The following NOSTRIN variants were observed in gnomAD, a reference collection of about 807,000 sequenced individuals.
NOSTRIN encodes BM247 homolog.
NOSTRIN carries 63 observed loss-of-function variants against 59.0 expected under a neutral mutation model. The ratio of observed to expected loss-of-function variants is 1.07; its 90% CI spans 0.87 to 1.32. NOSTRIN has a LOEUF of 1.32. Ranked by LOEUF, NOSTRIN falls within the 40% of genes most tolerant of loss-of-function variation. NOSTRIN has a pLI of 0.00. For missense variants in NOSTRIN, 512 were observed against 473.1 expected, an observed-to-expected ratio of 1.08 and a Z score of -0.76; for synonymous variants, 200 against 165.4, an observed-to-expected ratio of 1.21 and a Z score of -1.61.
At chr2:168,836,948 G>T (rs1029973501) in intron 7 of NOSTRIN, among the ~76,000 whole-genome samples, 1 of 152,200 alleles carries the variant, frequency 6.6e-6, no homozygotes, top group African/African-American at 2.4e-5. Context: ...GATGGAGGTG[G>T]CTTCAACAGC....
exon 2 of NOSTRIN, chr2:168,787,939 A>G (rs1685247544): frequency 6.6e-6 from 1 of 152,192 alleles, no homozygotes; most frequent in Non-Finnish European, 1.5e-5. Context: ...AACTTAGTCC[A>G]AGCTTTGATC....
chr2:168,847,034 G>A (rs1031670591), intron 8 of NOSTRIN, among the ~76,000 whole-genome samples: 1 of 152,156 alleles, frequency 6.6e-6, no homozygotes, highest in Non-Finnish European at 1.5e-5. Context: ...GTTAAAGGCA[G>A]CAAACATCCC....
chr2:168,844,070 A>C (rs1688255984), intron 8 of NOSTRIN, among the ~76,000 whole-genome samples: 2 of 152,240 alleles, frequency 1.3e-5, no homozygotes, highest in South Asian at 4.1e-4. Context: ...GAAAAACATG[A>C]TGTTGAGGAA....
At chr2:168,814,843 A>G (rs1439095411) in intron 2 of NOSTRIN, among the ~76,000 whole-genome samples, 1 of 152,218 alleles carries the variant, frequency 6.6e-6, no homozygotes, top group Non-Finnish European at 1.5e-5. Flanking sequence ...AGATGGGAGG[A>G]TTGCTTGAGG....
intron 2 of NOSTRIN, among the ~76,000 whole-genome samples, chr2:168,792,063 C>G (rs1410522442): frequency 6.6e-6 from 1 of 152,094 alleles, no homozygotes; most frequent in African/African-American, 2.4e-5. Flanking sequence ...TTGCCCATGC[C>G]TATGTCCTGA....
chr2:168,837,502 G>A (rs1462871596), intron 7 of NOSTRIN, among the ~76,000 whole-genome samples: 1 of 151,712 alleles, frequency 6.6e-6, no homozygotes, highest in Non-Finnish European at 1.5e-5. Flanking sequence ...GTAGAGATGG[G>A]ATTTCACCGA....
chr2:168,865,017 C>A lies in NOSTRIN; in HGVS notation c.*47C>A. 1 of 1,589,152 alleles carries A rather than the reference C, an allele frequency of 6.3e-7. No individual in the cohort carries two copies. The highest frequency in any genetic ancestry group is 8.6e-7 in the Non-Finnish European group (1 of 1,165,858). ...CCTTCACACTCGGTAATCAACAATA[C>A]AGTGTGGTTCAAATAAGAATAAAGT... On this transcript the variant is annotated 3_prime_UTR_variant, in exon 16 of 16. Coordinates refer to ENST00000317647, the MANE Select transcript of NOSTRIN (RefSeq NM_001039724.4).
chr2:168,821,147 A>G (rs1165094011), intron 2 of NOSTRIN, among the ~76,000 whole-genome samples: 4 of 152,204 alleles, frequency 2.6e-5, no homozygotes, highest in African/African-American at 9.7e-5. Context: ...GCATTATCCT[A>G]TTTAATGCTC....
chr2:168,859,814 C>G (rs535717724), intron 13 of NOSTRIN, among the ~76,000 whole-genome samples, 177 bp downstream of exon 13: 1 of 152,152 alleles, frequency 6.6e-6, no homozygotes, highest in Non-Finnish European at 1.5e-5. Flanking sequence ...AAGAGCTAGA[C>G]AAAACCGAAT....
At chr2:168,863,632 T>C in intron 15 of NOSTRIN, 1 of 982,776 alleles carries the variant, frequency 1.0e-6, no homozygotes, top group Non-Finnish European at 1.2e-6. Context: ...AATGGGGAGT[T>C]ACATTTTGAA....
intron 1 of NOSTRIN, among the ~76,000 whole-genome samples, chr2:168,807,281 C>T (rs534738987): frequency 6.6e-6 from 1 of 151,780 alleles, no homozygotes; most frequent in Non-Finnish European, 1.5e-5. Context: ...CACACACACA[C>T]AGAGAGAGAG....
intron 11 of NOSTRIN, 116 bp from the exon 12 acceptor site, chr2:168,856,574 T>TA (rs11385898): frequency 0.44 from 315,554 of 716,322 alleles, 37,182 homozygotes; most frequent in South Asian, 0.5. Flanking sequence ...GACTCCGTCT[T>TA]AAAAAAAAAA....
At chr2:168,855,498 C>A (rs1296917914) in intron 11 of NOSTRIN, 38 bp downstream of exon 11, 5 of 1,131,890 alleles carry the variant, frequency 4.4e-6, no homozygotes, top group East Asian at 2.4e-5. Flanking sequence ...GAAAAGGGAC[C>A]ATATGATGCT....
At chr2:168,834,690 T>C (rs72883256) in intron 7 of NOSTRIN, among the ~76,000 whole-genome samples, 7 of 152,052 alleles carry the variant, frequency 4.6e-5, no homozygotes, top group Non-Finnish European at 1.0e-4. Flanking sequence ...CTACTTTGCC[T>C]GGACCACATG....
At position 168,824,484 on chromosome 2, in the gene NOSTRIN, A is replaced by G. The variant is rs953633035; in HGVS notation, c.114-150A>G. 1.9e-5 allele frequency: 10 copies of G among 525,686 alleles called. No homozygotes were observed. In the Admixed American group the frequency reaches 1.9e-4, roughly 10 times the overall value. 32.6% of individuals were successfully genotyped at this position (525,686 alleles called of 1,614,324 possible). On this transcript the variant is annotated intron_variant, in intron 2 of 15. Transcript: ENST00000317647. ...TGGCTAATTTTTGTATTTTTAGTAG[A>G]GACTGGGTTTCACCATGTTGGCCAG...
intron 3 of NOSTRIN, among the ~76,000 whole-genome samples, chr2:168,826,420 C>G (rs946856017): frequency 6.6e-6 from 1 of 152,078 alleles, no homozygotes; most frequent in Non-Finnish European, 1.5e-5. Context: ...AATTCTTTCT[C>G]TCTTTCTTTC....
intron 7 of NOSTRIN, among the ~76,000 whole-genome samples, chr2:168,838,483 G>A (rs1687867915): frequency 6.6e-6 from 1 of 152,096 alleles, no homozygotes; most frequent in Non-Finnish European, 1.5e-5. Context: ...CAAGTGATCC[G>A]CCCGCCTTGG....
chr2:168,823,044 T>A (rs1480987974), intron 2 of NOSTRIN, among the ~76,000 whole-genome samples: 1 of 152,120 alleles, frequency 6.6e-6, no homozygotes, highest in Non-Finnish European at 1.5e-5. Context: ...TGAGATGGAG[T>A]TTTGCTCTGT....
At position 168,812,010 on chromosome 2, in the gene NOSTRIN, G is replaced by A. The variant is rs7585708; in HGVS notation, c.113+358G>A. ...TTACATTTTTCTCTCCCCTCGAAGGGCAGAGGCAGTCTTACTCATCATTGT... is the reference window on the plus strand; with the variant it reads ...TTACATTTTTCTCTCCCCTCGAAGGACAGAGGCAGTCTTACTCATCATTGT... On this transcript the variant is annotated intron_variant, in intron 2 of 15. Transcript: ENST00000317647. The A allele has an allele frequency of 9.6e-3, 1,548 of 160,766 alleles. 24 individuals are homozygous for A. Among genetic ancestry groups the A allele is most frequent in the African/African-American group, 0.035 (1,472 of 41,742 alleles). The allele number at this position is 160,766 out of a possible 1,614,324, so 10.0% of individuals were successfully genotyped here. A position where few individuals can be genotyped will look rare whatever the true frequency, so the allele number is the denominator to read the frequency against.
Sources: gnomAD v4.1 joint callset for allele counts (sites outside exome capture counted in the v4.1 genomes callset) on GRCh38, gnomAD v4.1.1 for gene constraint, MANE v1.5 for transcripts, NCBI Gene and HGNC (gene_info 2026-07-23, HGNC 2026-07-21) for gene names.